The following FNDC3B variants were observed in gnomAD, a reference collection of about 807,000 sequenced individuals.
FNDC3B encodes fibronectin type III domain-containing protein 3B.
FNDC3B carries 12 observed loss-of-function variants against 151.5 expected under a neutral mutation model. That is an observed-to-expected ratio of 0.08 (90% CI 0.05 to 0.13). The LOEUF is 0.13. FNDC3B is among the 10% of genes least tolerant of loss of function. The pLI is 1.00. For missense variants in FNDC3B, 1,214 were observed against 1,505.3 expected, an observed-to-expected ratio of 0.81 and a Z score of 3.20; for synonymous variants, 528 against 549.0, an observed-to-expected ratio of 0.96 and a Z score of 0.54.
chr3:172,304,556 G>T (rs755298408), intron 9 of FNDC3B, among the ~76,000 whole-genome samples: 1 of 152,174 alleles, frequency 6.6e-6, no homozygotes, highest in Non-Finnish European at 1.5e-5. Context: ...TCCATCTAAA[G>T]CGGGGAGCTG....
intron 1 of FNDC3B, among the ~76,000 whole-genome samples, chr3:172,091,372 T>C (rs1238682581): frequency 6.6e-6 from 1 of 151,214 alleles, no homozygotes; most frequent in Non-Finnish European, 1.5e-5. Flanking sequence ...TTTTGCTCTA[T>C]CTATGTAATT....
intron 13 of FNDC3B, 69 bp from the exon 14 acceptor site, chr3:172,333,020 C>T: frequency 1.1e-6 from 1 of 946,538 alleles, no homozygotes; most frequent in East Asian, 2.4e-5. Context: ...TATAAAAATC[C>T]TGTATTCAAA....
At chr3:172,279,249 G>T (rs1266926550) in intron 6 of FNDC3B, among the ~76,000 whole-genome samples, 2 of 151,960 alleles carry the variant, frequency 1.3e-5, no homozygotes, top group Non-Finnish European at 2.9e-5. Context: ...AAATCATCCT[G>T]TCCAGTGAAT....
At chr3:172,190,610 T>G (rs939189296) in intron 3 of FNDC3B, among the ~76,000 whole-genome samples, 2 of 152,226 alleles carry the variant, frequency 1.3e-5, no homozygotes, top group African/African-American at 4.8e-5. Flanking sequence ...GAGGGGTTTA[T>G]GATTAAATAT....
chr3:172,078,637 TC>T (rs1718138466), intron 1 of FNDC3B, among the ~76,000 whole-genome samples: 2 of 152,222 alleles, frequency 1.3e-5, no homozygotes, highest in Admixed American at 1.3e-4. Context: ...AGTAGGCTGA[TC>T]GGGGGTAGAT....
intron 25 of FNDC3B, among the ~76,000 whole-genome samples, chr3:172,390,095 G>A (rs1342763141): frequency 1.3e-5 from 2 of 152,104 alleles, no homozygotes; most frequent in African/African-American, 4.8e-5. Flanking sequence ...GAGAACATTC[G>A]CTGAGCATCT....
intron 3 of FNDC3B, among the ~76,000 whole-genome samples, chr3:172,166,509 G>T (rs1418486064): frequency 6.6e-6 from 1 of 152,194 alleles, no homozygotes; most frequent in East Asian, 1.9e-4. Context: ...AGCCTTGCTG[G>T]AATCTAGATC....
chr3:172,177,363 C>A (rs998211448), intron 3 of FNDC3B, among the ~76,000 whole-genome samples: 1 of 152,136 alleles, frequency 6.6e-6, no homozygotes, highest in Non-Finnish European at 1.5e-5. Flanking sequence ...TACGTTAGAG[C>A]TGCTTAGATA....
At chr3:172,309,685 T>C (rs2108249447) in intron 10 of FNDC3B, among the ~76,000 whole-genome samples, 1 of 152,252 alleles carries the variant, frequency 6.6e-6, no homozygotes, top group African/African-American at 2.4e-5. Flanking sequence ...TTAATTTAAC[T>C]ACCATTTACT....
At position 172,119,615 on chromosome 3, in the gene FNDC3B, C is replaced by G. The variant is rs369387057; in HGVS notation, c.111+7025C>G. On this transcript the variant is annotated intron_variant, in intron 2 of 25. Coordinates refer to ENST00000415807, the MANE Select transcript of FNDC3B (RefSeq NM_022763.4). ...ATCCAGACTTTGTACATCAAGTAATCCGTTTCTGTTTTATTAAAGGAGAAT... is the reference window on the plus strand; with the variant it reads ...ATCCAGACTTTGTACATCAAGTAATGCGTTTCTGTTTTATTAAAGGAGAAT... Among the ~76,000 whole-genome samples, 50 of 152,258 alleles carry G rather than the reference C, an allele frequency of 3.3e-4. 1 individual carries two copies. In the South Asian group the frequency reaches 0.01, roughly 32 times the overall value.
chr3:172,111,613 CT>C (rs922639706), intron 1 of FNDC3B, among the ~76,000 whole-genome samples: 4 of 151,906 alleles, frequency 2.6e-5, no homozygotes, highest in Admixed American at 6.6e-5. Flanking sequence ...CAAGGGAGGA[CT>C]TTTTTTGGGT....
chr3:172,106,252 C>T (rs1719639708), intron 1 of FNDC3B, among the ~76,000 whole-genome samples: 1 of 152,188 alleles, frequency 6.6e-6, no homozygotes, highest in African/African-American at 2.4e-5. Flanking sequence ...CATCTTGCCT[C>T]AGCCTTCTGA....
Position 172,240,337 on chromosome 3 carries a change from T to A in FNDC3B, c.265-7196T>A, listed in dbSNP as rs74863479. On this transcript the variant is annotated intron_variant, in intron 4 of 25. Coordinates refer to ENST00000415807, the MANE Select transcript of FNDC3B (RefSeq NM_022763.4). ...GCAGGATTTAGTGGAGTGGTAACAT[T>A]AATAGTAGTAATTGATGAGTAAGAT... 3.7e-4 allele frequency among the ~76,000 whole-genome samples: 57 copies of A among 152,304 alleles called. No individual in the cohort carries two copies. The East Asian group carries it at 9.5e-3, about 25-fold the overall frequency.
At chr3:172,337,232 G>C in intron 15 of FNDC3B, 98 bp from the exon 16 acceptor site, 1 of 723,986 alleles carries the variant, frequency 1.4e-6, no homozygotes, top group East Asian at 2.7e-5. Context: ...CTAGAATTCA[G>C]ATAGTATAAT....
intron 1 of FNDC3B, among the ~76,000 whole-genome samples, chr3:172,079,976 T>C (rs1718198134): frequency 6.6e-6 from 1 of 152,168 alleles, no homozygotes; most frequent in Non-Finnish European, 1.5e-5. Context: ...ACAAAAAGTT[T>C]GTTAAATGCC....
intron 11 of FNDC3B, chr3:172,321,687 T>A (rs1399418030): frequency 1.0e-5 from 2 of 192,934 alleles, no homozygotes; most frequent in Non-Finnish European, 2.0e-5. Context: ...ATTACAGGCA[T>A]GCACCACCAC....
At chr3:172,296,383 T>G (rs1730603682) in intron 8 of FNDC3B, among the ~76,000 whole-genome samples, 1 of 152,206 alleles carries the variant, frequency 6.6e-6, no homozygotes, top group African/African-American at 2.4e-5. Context: ...ACAGACAGTC[T>G]TCCTGACAAG....
intron 7 of FNDC3B, among the ~76,000 whole-genome samples, chr3:172,286,269 TC>T (rs2108826424): frequency 6.6e-6 from 1 of 150,516 alleles, no homozygotes; most frequent in African/African-American, 2.5e-5. Context: ...CTCTCTTTTT[TC>T]AGTCTACAGT....
intron 8 of FNDC3B, 58 bp downstream of exon 8, chr3:172,295,572 A>T: frequency 6.5e-7 from 1 of 1,544,172 alleles, no homozygotes; most frequent in Admixed American, 1.9e-5. Context: ...GGAGTTGTGA[A>T]GGAAAATGGA....
Sources: allele counts gnomAD v4.1 joint callset (sites outside exome capture counted in the v4.1 genomes callset), GRCh38; gene constraint gnomAD v4.1.1; transcripts MANE v1.5; gene names NCBI Gene and HGNC (gene_info 2026-07-23, HGNC 2026-07-21).